Variants in DCDC1 observed in about 807,000 individuals in gnomAD.
DCDC1 encodes the protein doublecortin domain-containing protein 1.
DCDC1 carries 200 observed loss-of-function variants against 178.3 expected under a neutral mutation model. The observed-to-expected ratio is 1.12, with a 90% CI of 1.00 to 1.26. DCDC1 has a LOEUF of 1.26. Among genes scored for constraint, DCDC1 ranks in the 50% most tolerant of loss-of-function variants. The pLI is 0.00. For missense variants in DCDC1, 1,983 were observed against 1,749.2 expected (o/e 1.13, Z -2.38); for synonymous variants, 690 against 604.8 (o/e 1.14, Z -2.07).
chr11:30,972,454 C>T (rs912152398), intron 20 of DCDC1, among the ~76,000 whole-genome samples: 2 of 152,008 alleles, frequency 1.3e-5, no homozygotes, highest in Non-Finnish European at 2.9e-5. Flanking sequence ...ACCAGCCCTA[C>T]AAAAAATGCT....
At chr11:31,255,007 C>A (rs980986171) in intron 8 of DCDC1, among the ~76,000 whole-genome samples, 1 of 152,108 alleles carries the variant, frequency 6.6e-6, no homozygotes. Flanking sequence ...GATTTATTCG[C>A]TCTGGATGTT....
At chr11:31,107,089 A>G in intron 12 of DCDC1, 129 bp from the exon 13 acceptor site, 2 of 600,038 alleles carry the variant, frequency 3.3e-6, no homozygotes, top group South Asian at 4.3e-5. Context: ...ATTCATATAG[A>G]ATGTTAAAAG....
At chr11:31,203,890 G>A (rs545248246) in intron 9 of DCDC1, among the ~76,000 whole-genome samples, 99 of 152,186 alleles carry the variant, frequency 6.5e-4, no homozygotes, top group African/African-American at 1.9e-3. Flanking sequence ...TAAAATGTAT[G>A]TCAGAAAACT....
At chr11:31,066,382 G>A (rs1956250237) in intron 18 of DCDC1, among the ~76,000 whole-genome samples, 2 of 152,166 alleles carry the variant, frequency 1.3e-5, no homozygotes, top group South Asian at 2.1e-4. Context: ...ATGCTTCAGT[G>A]TCATCCAGCT....
At chr11:31,066,234 G>C (rs1205582413) in intron 18 of DCDC1, among the ~76,000 whole-genome samples, 1 of 152,150 alleles carries the variant, frequency 6.6e-6, no homozygotes, top group Non-Finnish European at 1.5e-5. Context: ...AATACACTTG[G>C]AGGCTACCCT....
At chr11:30,915,046 A>C (rs1051627729) in intron 27 of DCDC1, among the ~76,000 whole-genome samples, 2 of 152,232 alleles carry the variant, frequency 1.3e-5, no homozygotes, top group African/African-American at 4.8e-5. Context: ...GAATTAGTTT[A>C]TACTGCGTGA....
chr11:30,884,032 C>CCTTTTTTTTTTTTT (rs1565023304), intron 36 of DCDC1, among the ~76,000 whole-genome samples: 1 of 47,898 alleles, frequency 2.1e-5, no homozygotes, highest in Non-Finnish European at 3.9e-5. Context: ...CATTCTTTCT[C>CCTTTTTTTTTTTTT]ATTTTTTTTT....
At chr11:30,997,710 C>G (rs1197807085) in intron 20 of DCDC1, among the ~76,000 whole-genome samples, 1 of 152,082 alleles carries the variant, frequency 6.6e-6, no homozygotes, top group Admixed American at 6.5e-5. Context: ...AATGACCTTA[C>G]CAATAACCAA....
At chr11:31,051,930 CA>C (rs1016888498) in intron 20 of DCDC1, among the ~76,000 whole-genome samples, 1 of 151,904 alleles carries the variant, frequency 6.6e-6, no homozygotes, top group Non-Finnish European at 1.5e-5. Context: ...AAAGCAAAAA[CA>C]AAAAACAAAC....
At chr11:31,144,124 AT>A (rs1964165166) in intron 9 of DCDC1, among the ~76,000 whole-genome samples, 1 of 151,952 alleles carries the variant, frequency 6.6e-6, no homozygotes, top group African/African-American at 2.4e-5. Context: ...AAACTTACTT[AT>A]TTTTTTATTA....
rs752279909 is a variant in DCDC1, at chr11:30,931,877, C to G, written c.2791G>C (p.Glu931Gln). 4 of 1,613,122 alleles carry G rather than the reference C, an allele frequency of 2.5e-6. No individual in the cohort carries two copies. The highest frequency in any genetic ancestry group is 2.5e-6 in the Non-Finnish European group (3 of 1,179,410). The change falls in exon 22 of 39, where the codon GAG becomes CAG. Residue 931 changes from glutamate (E) to glutamine (Q), a missense_variant. Transcript: ENST00000684477. ...CTGAGTCGCACAGGGGCATATGGCT[C>G]TGTTGTCTTACAGATGGGTTTCTTC... is the stretch of plus-strand genomic sequence containing the variant. ...PMKKPICKTT[E>Q]PYAPVRLRVL...
intron 36 of DCDC1, among the ~76,000 whole-genome samples, chr11:30,891,997 ACCC>A (rs1310787388): frequency 6.6e-6 from 1 of 151,704 alleles, no homozygotes; most frequent in Admixed American, 6.6e-5. Flanking sequence ...GCCTTTCCAC[ACCC>A]CCCACCACCA....
intron 11 of DCDC1, among the ~76,000 whole-genome samples, chr11:31,126,583 GA>G (rs1435792697): frequency 6.6e-6 from 1 of 152,140 alleles, no homozygotes; most frequent in Admixed American, 6.5e-5. Flanking sequence ...TTGCAGAGAT[GA>G]AGGTTGATCA....
intron 9 of DCDC1, among the ~76,000 whole-genome samples, chr11:31,177,439 A>G (rs973410684): frequency 2.0e-5 from 3 of 152,128 alleles, no homozygotes; most frequent in African/African-American, 4.8e-5. Flanking sequence ...AAACAAAACA[A>G]AACAAGAAAA....
rs78943970 is a variant in DCDC1, at chr11:31,262,748, T to C, written c.1054+2759A>G. 762 of 247,604 alleles carry C rather than the reference T, an allele frequency of 3.1e-3. 7 individuals are homozygous for C. The highest frequency in any genetic ancestry group is 0.016 in the African/African-American group (724 of 45,156). 15.3% of individuals were successfully genotyped at this position (247,604 alleles called of 1,614,324 possible). On this transcript the variant is annotated intron_variant, in intron 8 of 38. Coordinates refer to ENST00000684477, the MANE Select transcript of DCDC1 (RefSeq NM_001387274.1). ...CACAAAAGTTTAGGGATCTCAATCA[T>C]TTGATGCACAACATCATAGAAACAA...
intron 20 of DCDC1, among the ~76,000 whole-genome samples, chr11:31,007,278 T>C (rs2135083518): frequency 6.6e-6 from 1 of 152,306 alleles, no homozygotes; most frequent in South Asian, 2.1e-4. Context: ...GACTGTGAGA[T>C]GAAGCAGGAC....
chr11:31,219,308 A>C (rs1294474898), intron 9 of DCDC1, among the ~76,000 whole-genome samples: 1 of 152,194 alleles, frequency 6.6e-6, no homozygotes, highest in Non-Finnish European at 1.5e-5. Context: ...ACTGATCTCA[A>C]AAATTTCATT....
At chr11:31,209,772 G>A (rs982071982) in intron 9 of DCDC1, among the ~76,000 whole-genome samples, 12 of 152,136 alleles carry the variant, frequency 7.9e-5, no homozygotes, top group African/African-American at 2.9e-4. Flanking sequence ...GAGGAATGCT[G>A]GAAAGGTATG....
At position 30,922,497 on chromosome 11, in the gene DCDC1, G is replaced by C; in HGVS notation, c.3133+6C>G. On this transcript the variant is annotated splice_donor_region_variant and intron_variant, in intron 24 of 38. Coordinates refer to ENST00000684477, the MANE Select transcript of DCDC1 (RefSeq NM_001387274.1). ...ATATATTAAGGTAAATAATTCCAAT[G>C]CTTACCTTCTATTTTATGTGTGCTG... is the stretch of plus-strand genomic sequence containing the variant. 2.0e-6 allele frequency: 3 copies of C among 1,519,010 alleles called. No individual in the cohort carries two copies. Among genetic ancestry groups the C allele is most frequent in the Non-Finnish European group, 2.6e-6 (3 of 1,140,416 alleles). The allele number at this position is 1,519,010 out of a possible 1,614,324, so 94.1% of individuals were successfully genotyped here.
Sources: allele counts gnomAD v4.1 joint callset (sites outside exome capture counted in the v4.1 genomes callset), GRCh38; gene constraint gnomAD v4.1.1; transcripts MANE v1.5; gene names NCBI Gene and HGNC (gene_info 2026-07-23, HGNC 2026-07-21).